The following MED13 variants were observed in gnomAD, a reference collection of about 807,000 sequenced individuals.
MED13 encodes the protein mediator of RNA polymerase II transcription subunit 13.
A neutral mutation model predicts 225.2 loss-of-function variants in MED13; 23 were observed. The ratio of observed to expected loss-of-function variants is 0.10; its 90% CI spans 0.07 to 0.14. The LOEUF is 0.14. Ranked by LOEUF, MED13 falls within the 10% of genes least tolerant of loss-of-function variation. The probability of loss-of-function intolerance (pLI) is 1.00; values close to 1 mark genes in which losing one functional copy is unlikely to be tolerated. For synonymous variants in MED13, 942 were observed against 889.2 expected, an observed-to-expected ratio of 1.06 and a Z score of -1.06; for missense variants, 2,197 against 2,594.5, an observed-to-expected ratio of 0.85 and a Z score of 3.33.
At chr17:62,014,801 T>A (rs900522300) in intron 8 of MED13, among the ~76,000 whole-genome samples, 1 of 152,168 alleles carries the variant, frequency 6.6e-6, no homozygotes, top group African/African-American at 2.4e-5. Flanking sequence ...TGAACCACTG[T>A]ACCCAGCTGA....
intron 11 of MED13, among the ~76,000 whole-genome samples, chr17:61,990,293 C>T (rs1567963024): frequency 6.6e-6 from 1 of 151,942 alleles, no homozygotes; most frequent in Non-Finnish European, 1.5e-5. Flanking sequence ...TATATACATA[C>T]ACACACATAT....
intron 20 of MED13, among the ~76,000 whole-genome samples, chr17:61,963,227 A>C (rs868111806): frequency 7.1e-6 from 1 of 141,108 alleles, no homozygotes; most frequent in Non-Finnish European, 1.5e-5. Flanking sequence ...AAAAAAAAAA[A>C]AAAGAAAGAA....
At chr17:61,953,182 G>C in intron 26 of MED13, 69 bp from the exon 27 acceptor site, 1 of 1,472,504 alleles carries the variant, frequency 6.8e-7, no homozygotes. Flanking sequence ...ACAGGAAAGG[G>C]TCAAAATAAA....
chr17:61,951,895 T>A (rs1567937743), intron 27 of MED13, among the ~76,000 whole-genome samples: 1 of 152,158 alleles, frequency 6.6e-6, no homozygotes, highest in Non-Finnish European at 1.5e-5. Context: ...CCAGTATATA[T>A]AATTTCTTTT....
chr17:61,985,555 C>T (rs542767643), intron 12 of MED13, among the ~76,000 whole-genome samples: 4 of 152,184 alleles, frequency 2.6e-5, no homozygotes, highest in African/African-American at 9.6e-5. Context: ...CCTGTAATTC[C>T]AGCTACTCGG....
rs1446979083 is a variant in MED13 at position 61,984,732 on chromosome 17, T to G, written c.2610A>C (p.Glu870Asp). ...MDTTPGGTVL[E>D]GNSSSIGAQF... The stretch of plus-strand genomic sequence containing the variant: ...GCGCTCCTATACTAGAACTATTTCC[T>G]TCTAGAACAGTTCCTCCAGGTGTTG... Residue 870 changes from glutamate to aspartate, a missense_variant, in exon 14 of 30, where the codon GAA (glutamate) becomes GAC (aspartate). This residue lies in a region of MED13 where 160 missense variants were observed against 184.8 expected (regional missense o/e 0.87). Transcript: ENST00000397786. 7.4e-6 allele frequency: 12 copies of G among 1,614,000 alleles called. No individual in the cohort carries two copies. In the East Asian group the frequency reaches 2.7e-4, roughly 36 times the overall value.
chr17:62,033,120 T>A (rs1168621730), intron 5 of MED13, among the ~76,000 whole-genome samples: 2 of 151,690 alleles, frequency 1.3e-5, no homozygotes, highest in African/African-American at 4.8e-5. Flanking sequence ...GCCATTGCAC[T>A]CCAGCCTGGG....
intron 26 of MED13, among the ~76,000 whole-genome samples, chr17:61,953,479 C>T (rs2079914260): frequency 6.6e-6 from 1 of 152,086 alleles, no homozygotes; most frequent in Admixed American, 6.6e-5. Context: ...AAGAGGGAGG[C>T]AGTAGGGTTA....
chr17:61,951,958 T>C lies in MED13; in HGVS notation c.6118-960A>G, dbSNP rs1204514264. ...TGTCGCTTAGGCTGGAATGCAGTGG[T>C]GCGATCTCGGCTCACTGCAAGCTCC... On this transcript the variant is annotated intron_variant, in intron 27 of 29. Transcript: ENST00000397786. Among the ~76,000 whole-genome samples the C allele has an allele frequency of 2.6e-5, 4 of 152,090 alleles. No homozygotes were observed. In the East Asian group the frequency reaches 7.7e-4, roughly 29 times the overall value.
intron 17 of MED13, among the ~76,000 whole-genome samples, chr17:61,969,110 C>T (rs1305939042): frequency 6.6e-6 from 1 of 152,106 alleles, no homozygotes; most frequent in African/African-American, 2.4e-5. Context: ...AATTTCAGCA[C>T]TTTGGGAGGC....
chr17:62,053,013 T>A (rs991772321), intron 2 of MED13, among the ~76,000 whole-genome samples: 1 of 152,196 alleles, frequency 6.6e-6, no homozygotes, highest in East Asian at 1.9e-4. Context: ...CTTGTTTGTA[T>A]AACCTGGAAA....
intron 6 of MED13, 191 bp from the exon 7 acceptor site, chr17:62,030,204 C>A: frequency 1.9e-6 from 1 of 513,572 alleles, no homozygotes; most frequent in Non-Finnish European, 3.3e-6. Context: ...TCAAGTACAT[C>A]TCTGTAACCT....
intron 8 of MED13, among the ~76,000 whole-genome samples, chr17:62,012,303 T>G (rs2080517913): frequency 6.6e-6 from 1 of 150,594 alleles, no homozygotes. Context: ...TATATACACA[T>G]AACATTATTT....
chr17:61,958,408 G>C (rs955339933), intron 23 of MED13, among the ~76,000 whole-genome samples: 1 of 150,552 alleles, frequency 6.6e-6, no homozygotes, highest in Non-Finnish European at 1.5e-5. Flanking sequence ...GTGTGATCTC[G>C]GCTCACTGCA....
intron 23 of MED13, among the ~76,000 whole-genome samples, chr17:61,957,948 T>C (rs1292919197): frequency 6.6e-6 from 1 of 152,040 alleles, no homozygotes; most frequent in Non-Finnish European, 1.5e-5. Context: ...CACTGCAAGT[T>C]CCGCCTCCTG....
At chr17:62,058,856 A>G (rs2081016316) in intron 2 of MED13, among the ~76,000 whole-genome samples, 1 of 152,254 alleles carries the variant, frequency 6.6e-6, no homozygotes, top group Admixed American at 6.5e-5. Flanking sequence ...TAAAGTATGT[A>G]TTAAATCAGA....
chr17:62,030,038 C>T, intron 6 of MED13, 25 bp from the exon 7 acceptor site: 8 of 1,477,754 alleles, frequency 5.4e-6, no homozygotes, highest in Non-Finnish European at 3.6e-6. Context: ...AAAAAACAGG[C>T]TGTAGGAGAA....
intron 9 of MED13, among the ~76,000 whole-genome samples, chr17:62,002,841 A>T (rs1181861409): frequency 6.6e-6 from 1 of 152,258 alleles, no homozygotes; most frequent in African/African-American, 2.4e-5. Flanking sequence ...TCTAATAACT[A>T]TTACTTTAGA....
chr17:61,955,699 G>A lies in MED13; in HGVS notation c.5763C>T (p.Gly1921=), dbSNP rs375314589. The A allele has an allele frequency of 4.4e-6, 7 of 1,602,124 alleles. No individual in the cohort carries two copies. Among genetic ancestry groups the A allele is most frequent in the Non-Finnish European group, 5.9e-6 (7 of 1,176,976 alleles). The change falls in exon 25 of 30, where the codon GGC becomes GGT. Residue 1921 remains glycine (G), a synonymous_variant. Transcript: ENST00000397786. ...SACLVAMEPQ[G]SFVIMPDSVS... The stretch of plus-strand genomic sequence containing the variant: ...GCTAACCTGGCATAATAACAAAAGA[G>A]CCTTGCGGCTCCATTGCCACCAAGC...
Sources: allele counts gnomAD v4.1 joint callset (sites outside exome capture counted in the v4.1 genomes callset), GRCh38; gene constraint gnomAD v4.1.1; regional missense constraint gnomAD v4.1.1; transcripts MANE v1.5; gene names NCBI Gene and HGNC (gene_info 2026-07-23, HGNC 2026-07-21).